The following NECTIN1 variants were observed in gnomAD, a reference collection of about 807,000 sequenced individuals.
NECTIN1 encodes the protein nectin cell adhesion molecule 1, also known as nectin-1.
NECTIN1 carries 23 observed loss-of-function variants against 48.0 expected under a neutral mutation model. That is an observed-to-expected ratio of 0.48 (90% CI 0.34 to 0.68). The LOEUF is 0.68. Among genes scored for constraint, NECTIN1 ranks in the 30% least tolerant of loss-of-function variants. The pLI is 0.01. For missense variants in NECTIN1, 591 were observed against 709.9 expected (o/e 0.83, Z 1.90); for synonymous variants, 270 against 288.9 (o/e 0.93, Z 0.66).
chr11:119,719,282 C>T (rs1220792609), intron 1 of NECTIN1, among the ~76,000 whole-genome samples: 1 of 152,160 alleles, frequency 6.6e-6, no homozygotes, highest in Non-Finnish European at 1.5e-5. Flanking sequence ...AGGTGCTATG[C>T]AGGGGTGGGA....
At chr11:119,723,077 G>C (rs1428369486) in intron 1 of NECTIN1, among the ~76,000 whole-genome samples, 1 of 152,114 alleles carries the variant, frequency 6.6e-6, no homozygotes, top group Non-Finnish European at 1.5e-5. Context: ...AAATTAGCCA[G>C]GTGTGGTGGC....
At chr11:119,645,363 C>T (rs570761682) in intron 5 of NECTIN1, among the ~76,000 whole-genome samples, 15 of 152,308 alleles carry the variant, frequency 9.8e-5, no homozygotes, top group East Asian at 9.7e-4. Context: ...CCAGCGGTCT[C>T]ACTGCTGGGA....
chr11:119,714,284 A>G (rs1865710383), intron 1 of NECTIN1, among the ~76,000 whole-genome samples: 1 of 152,076 alleles, frequency 6.6e-6, no homozygotes, highest in African/African-American at 2.4e-5. Flanking sequence ...CTGTATCCCA[A>G]TGCCAAAAGC....
In NECTIN1 at chr11:119,678,355, G is replaced by A; in HGVS notation, c.430+60C>T. The A allele has an allele frequency of 1.4e-6, 2 of 1,470,200 alleles. No homozygotes were observed. Among genetic ancestry groups the A allele is most frequent in the Non-Finnish European group, 1.9e-6 (2 of 1,051,190 alleles). 91.1% of individuals were successfully genotyped at this position (1,470,200 alleles called of 1,614,324 possible). On this transcript the variant is annotated intron_variant, in intron 2 of 5. Coordinates refer to ENST00000264025, the MANE Select transcript of NECTIN1 (RefSeq NM_002855.5). The surrounding 1 kb of genome is among the most constrained non-coding windows in gnomAD (Gnocchi z 4.4). ...GGGGTCATTGAGGCATCCTGAGGATGGCCACGCCCCGAGGTCACAGGCCTC... is the reference window on the plus strand; with the variant it reads ...GGGGTCATTGAGGCATCCTGAGGATAGCCACGCCCCGAGGTCACAGGCCTC...
At chr11:119,642,522 C>G (rs1416002400) in intron 5 of NECTIN1, 2 of 153,680 alleles carry the variant, frequency 1.3e-5, no homozygotes, top group Non-Finnish European at 2.9e-5. Flanking sequence ...AAACTTCTCT[C>G]AGAGGCTTTC....
intron 5 of NECTIN1, 98 bp downstream of exon 5, chr11:119,675,061 A>C (rs1864923629): frequency 7.2e-7 from 1 of 1,394,742 alleles, no homozygotes; most frequent in African/African-American, 1.4e-5. Context: ...CAGGAAAAGG[A>C]GATAATCTTC....
Position 119,675,220 on chromosome 11 carries a change from G to A in NECTIN1, c.942C>T (p.Tyr314=), listed in dbSNP as rs374694489. ...CGATGGGGTTGGTGGCCTCACAGAT[G>A]TAGGTCCCTGCCAGGCTGTAGTTGA... ...GPINYSLAGT[Y]ICEATNPIGT... Residue 314 remains tyrosine (Y), a synonymous_variant, in exon 5 of 6, where the codon TAC becomes TAT. Coordinates refer to ENST00000264025, the MANE Select transcript of NECTIN1 (RefSeq NM_002855.5). 2 of 1,614,048 alleles carry A rather than the reference G, an allele frequency of 1.2e-6. No individual in the cohort carries two copies. The highest frequency in any genetic ancestry group is 1.7e-6 in the Non-Finnish European group (2 of 1,180,056).
At chr11:119,674,003 A>C (rs759090437) in intron 5 of NECTIN1, among the ~76,000 whole-genome samples, 13 of 152,122 alleles carry the variant, frequency 8.5e-5, no homozygotes, top group Non-Finnish European at 1.3e-4. Context: ...GGCTCTGAGG[A>C]CAGGTAGGCG....
rs775345979 is a variant in NECTIN1 at position 119,638,692 on chromosome 11, G to T, written c.1227+39C>A. On this transcript the variant is annotated intron_variant, in intron 7 of 7. Transcript: ENST00000341398. ...CCATCTCCCATTTTTCTCCCTCCCC[G>T]CAGTCCAGGGACCTTGTCCTCTGCT... The T allele has an allele frequency of 5.7e-6, 9 of 1,571,694 alleles. No homozygotes were observed. The African/African-American group carries it at 1.1e-4, about 19-fold the overall frequency.
intron 5 of NECTIN1, 108 bp downstream of exon 5, chr11:119,675,051 C>A: frequency 9.0e-6 from 12 of 1,327,762 alleles, no homozygotes; most frequent in Non-Finnish European, 1.3e-5. Flanking sequence ...ACTAGAGAAG[C>A]AGGAAAAGGA....
At chr11:119,708,052 GT>G (rs1408942635) in intron 1 of NECTIN1, among the ~76,000 whole-genome samples, 3 of 152,240 alleles carry the variant, frequency 2.0e-5, no homozygotes, top group Non-Finnish European at 4.4e-5. Context: ...GATAAACGCA[GT>G]TTTTGTTTGT....
intron 1 of NECTIN1, among the ~76,000 whole-genome samples, chr11:119,691,946 C>T (rs17123203): frequency 0.012 from 1,809 of 152,256 alleles, 19 homozygotes; most frequent in East Asian, 0.048. Flanking sequence ...TCCTCTGCCG[C>T]GGCCTGTCTT....
rs1295053572 is a variant in NECTIN1, at chr11:119,678,960, A to G, written c.80-195T>C. Among the ~76,000 whole-genome samples, 1 of 152,188 alleles carries G rather than the reference A, an allele frequency of 6.6e-6. No individual in the cohort carries two copies. The highest frequency in any genetic ancestry group is 1.5e-5 in the Non-Finnish European group (1 of 68,026). On this transcript the variant is annotated intron_variant, in intron 1 of 5. Coordinates refer to ENST00000264025, the MANE Select transcript of NECTIN1 (RefSeq NM_002855.5). The surrounding 1 kb of genome is among the most constrained non-coding windows in gnomAD (Gnocchi z 4.4). ...CATGAGAAGAAAGTGACAACATCCC[A>G]TGATCCTTCCGCTCAGGATAATCTT...
downstream of NECTIN1, chr11:119,660,917 G>T: frequency 1.2e-6 from 1 of 801,256 alleles, no homozygotes; most frequent in Non-Finnish European, 1.5e-6. Context: ...CTATCCCTCT[G>T]TGCCATCCCC....
At chr11:119,638,309 C>T in intron 7 of NECTIN1, 1 of 1,594,452 alleles carries the variant, frequency 6.3e-7, no homozygotes, top group Non-Finnish European at 8.6e-7. Flanking sequence ...AGGTGGCCCT[C>T]ATGGACTCCC....
In NECTIN1 at chr11:119,665,501, G is replaced by A. The variant is rs1213934543; in HGVS notation, c.1004-204C>T. On this transcript the variant is annotated intron_variant, in intron 5 of 5. Coordinates refer to ENST00000264025, the MANE Select transcript of NECTIN1 (RefSeq NM_002855.5). The surrounding 1 kb of genome is among the most constrained non-coding windows in gnomAD (Gnocchi z 5.1). ...CGCAGCGTTGGTAGCTGGAGTGAGA[G>A]ACAGGCAAGAGGAGAGGCAGAGGGC... Among the ~76,000 whole-genome samples the A allele has an allele frequency of 3.3e-5, 5 of 152,128 alleles. No individual in the cohort carries two copies. Among genetic ancestry groups the A allele is most frequent in the African/African-American group, 4.8e-5 (2 of 41,418 alleles).
intron 1 of NECTIN1, among the ~76,000 whole-genome samples, chr11:119,694,143 T>A (rs1865306687): frequency 6.6e-6 from 1 of 152,114 alleles, no homozygotes; most frequent in Non-Finnish European, 1.5e-5. Context: ...GACTCCCCAT[T>A]CACAGAGGGG....
chr11:119,697,768 C>T (rs1352718770), intron 1 of NECTIN1, among the ~76,000 whole-genome samples: 4 of 152,190 alleles, frequency 2.6e-5, no homozygotes, highest in East Asian at 3.8e-4. Context: ...TGACACTGCC[C>T]CTTGGTTTTC....
chr11:119,662,591 G>T lies in NECTIN1; in HGVS notation c.*2156C>A. On this transcript the variant is annotated 3_prime_UTR_variant, in exon 6 of 6. Transcript: ENST00000264025. This position sits in a 1 kb window ranked among gnomAD's most constrained non-coding sequence, Gnocchi z 5.3. ...ATAAAGGAGATGCAGGAGGAGACAGGGACAGGAAATGCCTCTATCAGGCAG... is the reference window on the plus strand; with the variant it reads ...ATAAAGGAGATGCAGGAGGAGACAGTGACAGGAAATGCCTCTATCAGGCAG... 1.0e-6 allele frequency: 1 copy of T among 985,678 alleles called. No homozygotes were observed. The highest frequency in any genetic ancestry group is 5.2e-4 in the Middle Eastern group (1 of 1,914). The allele number at this position is 985,678 out of a possible 1,614,324, so 61.1% of individuals were successfully genotyped here. A position where few individuals can be genotyped will look rare whatever the true frequency, so the allele number is the denominator to read the frequency against.
Sources: allele counts gnomAD v4.1 joint callset (sites outside exome capture counted in the v4.1 genomes callset), GRCh38; gene constraint gnomAD v4.1.1; non-coding constraint Gnocchi (gnomAD v3.1); transcripts MANE v1.5; gene names NCBI Gene and HGNC (gene_info 2026-07-23, HGNC 2026-07-21).